Variants in NEGR1 observed in about 807,000 individuals in gnomAD.
NEGR1 encodes neuronal growth regulator 1.
NEGR1 carries 10 observed loss-of-function variants against 40.9 expected under a neutral mutation model. The observed-to-expected ratio is 0.24, with a 90% confidence interval of 0.15 to 0.42. NEGR1 has a LOEUF of 0.42. Ranked by LOEUF, NEGR1 falls within the 10% of genes least tolerant of loss-of-function variation. NEGR1 has a pLI of 1.00. For missense variants in NEGR1, 352 were observed against 438.9 expected (o/e 0.80, Z 1.77); for synonymous variants, 185 against 166.8 (o/e 1.11, Z -0.84).
At chr1:72,080,070 G>T (rs957454351) in intron 1 of NEGR1, among the ~76,000 whole-genome samples, 1 of 151,950 alleles carries the variant, frequency 6.6e-6, no homozygotes, top group African/African-American at 2.4e-5. Flanking sequence ...AACATTAAAA[G>T]GGCTTCCTTT....
At chr1:72,054,371 A>G (rs1461408443) in intron 1 of NEGR1, among the ~76,000 whole-genome samples, 1 of 151,292 alleles carries the variant, frequency 6.6e-6, no homozygotes, top group African/African-American at 2.4e-5. Flanking sequence ...TTGACTTTTT[A>G]GAACTATTTT....
chr1:72,171,787 G>C lies in NEGR1; in HGVS notation c.176+110532C>G, dbSNP rs182133827. Among the ~76,000 whole-genome samples the C allele has an allele frequency of 2.6e-3, 395 of 152,182 alleles. 1 individual carries two copies. The highest frequency in any genetic ancestry group is 8.9e-3 in the African/African-American group (368 of 41,540). On this transcript the variant is annotated intron_variant, in intron 1 of 6. Transcript: ENST00000357731. ...CAATATATTTCTAAGAACAGTTATT[G>C]AAACATTATTGTTTTGTGAAGTTTT...
At chr1:72,272,014 G>A (rs769563377) in intron 1 of NEGR1, among the ~76,000 whole-genome samples, 3 of 151,680 alleles carry the variant, frequency 2.0e-5, no homozygotes, top group African/African-American at 4.8e-5. Context: ...TCCCAGTCTC[G>A]TGTATGTCTT....
intron 2 of NEGR1, among the ~76,000 whole-genome samples, chr1:71,870,747 TGTAA>T (rs1660256746): frequency 6.6e-6 from 1 of 152,260 alleles, no homozygotes; most frequent in African/African-American, 2.4e-5. Context: ...TATCTGGCTC[TGTAA>T]GTGTCTTTTT....
chr1:72,149,262 AGT>A, intron 1 of NEGR1, among the ~76,000 whole-genome samples: 1 of 152,150 alleles, frequency 6.6e-6, no homozygotes, highest in Non-Finnish European at 1.5e-5. Flanking sequence ...TCACGAGAAT[AGT>A]ATGGGAAAGA....
intron 1 of NEGR1, among the ~76,000 whole-genome samples, chr1:71,942,043 A>T (rs1292959170): frequency 2.6e-5 from 4 of 151,910 alleles, no homozygotes; most frequent in Non-Finnish European, 5.9e-5. Flanking sequence ...TCAAAATGGG[A>T]GTTATGCCAA....
chr1:71,487,769 CTT>C (rs1646898118), intron 6 of NEGR1, among the ~76,000 whole-genome samples: 1 of 151,362 alleles, frequency 6.6e-6, no homozygotes, highest in African/African-American at 2.4e-5. Flanking sequence ...AGGAGTAAAT[CTT>C]TTCTTTTGTA....
chr1:71,464,567 G>T (rs901816268), intron 6 of NEGR1, among the ~76,000 whole-genome samples: 16 of 152,056 alleles, frequency 1.1e-4, no homozygotes, highest in Admixed American at 2.0e-4. Context: ...GAAAATGAAA[G>T]ATTGAGTTTT....
chr1:71,407,483 G>C lies in NEGR1; in HGVS notation c.1028C>G (p.Thr343Ser), dbSNP rs1352022970. 1.2e-6 allele frequency: 2 copies of C among 1,612,178 alleles called. No individual in the cohort carries two copies. The highest frequency in any genetic ancestry group is 1.7e-6 in the Non-Finnish European group (2 of 1,178,470). ...WYLVLTLSSF[T>S]SIFYLKNAIL... Reference sequence around the variant, plus strand: ...GGCATTCTTCAGGTAGAATATGCTGGTGAAAGAGGACAGTGTCAACACAAG... The same window carrying C: ...GGCATTCTTCAGGTAGAATATGCTGCTGAAAGAGGACAGTGTCAACACAAG... Residue 343 changes from threonine (T) to serine (S), a missense_variant, in exon 7 of 7, where the codon ACC becomes AGC. Around this residue, in one of 5 missense-constraint regions of NEGR1, gnomAD observed 184 missense variants for 208.7 expected, o/e 0.88. Transcript: ENST00000357731.
intron 1 of NEGR1, among the ~76,000 whole-genome samples, chr1:71,994,070 G>A (rs929584727): frequency 6.6e-6 from 1 of 151,974 alleles, no homozygotes; most frequent in Admixed American, 6.6e-5. Context: ...GTTGTTTAAG[G>A]AATGTATGAA....
At chr1:71,694,779 TG>T (rs1653420658) in intron 4 of NEGR1, among the ~76,000 whole-genome samples, 1 of 151,734 alleles carries the variant, frequency 6.6e-6, no homozygotes, top group Admixed American at 6.6e-5. Flanking sequence ...CTTATGAAAA[TG>T]TATTATATTT....
intron 6 of NEGR1, among the ~76,000 whole-genome samples, chr1:71,555,202 G>A (rs1161534665): frequency 1.3e-5 from 2 of 151,370 alleles, no homozygotes; most frequent in Non-Finnish European, 3.0e-5. Flanking sequence ...TCAAACCCTG[G>A]TTTAGACCGC....
At chr1:71,950,981 T>C (rs374077609) in intron 1 of NEGR1, among the ~76,000 whole-genome samples, 52 of 152,086 alleles carry the variant, frequency 3.4e-4, no homozygotes, top group African/African-American at 1.0e-3. Flanking sequence ...TAATTTATCA[T>C]ATGTGTGTCT....
chr1:71,950,312 A>T (rs1646058195), intron 1 of NEGR1, among the ~76,000 whole-genome samples: 2 of 152,050 alleles, frequency 1.3e-5, no homozygotes, highest in South Asian at 4.1e-4. Context: ...TATAATTTGT[A>T]GCAAGCATAA....
chr1:71,763,274 C>T (rs1277009552), intron 3 of NEGR1, among the ~76,000 whole-genome samples: 1 of 152,060 alleles, frequency 6.6e-6, no homozygotes. Flanking sequence ...TTACATAGTA[C>T]TTTATGCCAC....
intron 2 of NEGR1, among the ~76,000 whole-genome samples, chr1:71,863,414 G>T (rs985048726): frequency 6.6e-6 from 1 of 152,076 alleles, no homozygotes; most frequent in South Asian, 2.1e-4. Context: ...CATGGACATA[G>T]AAAGGGGAAC....
intron 2 of NEGR1, among the ~76,000 whole-genome samples, chr1:71,819,009 G>A (rs1241795233): frequency 1.3e-5 from 2 of 152,124 alleles, no homozygotes; most frequent in Middle Eastern, 3.4e-3. Context: ...AAAGCTAGAT[G>A]TAGAAGCCAG....
chr1:72,159,425 G>T (rs982798053), intron 1 of NEGR1, among the ~76,000 whole-genome samples: 6 of 152,092 alleles, frequency 3.9e-5, no homozygotes, highest in African/African-American at 1.4e-4. Context: ...TCACATTAGT[G>T]AGTAAATGGG....
intron 6 of NEGR1, among the ~76,000 whole-genome samples, chr1:71,585,116 T>C (rs1012258788): frequency 6.6e-6 from 1 of 152,106 alleles, no homozygotes; most frequent in Non-Finnish European, 1.5e-5. Context: ...TTAAGATGCA[T>C]TTTTTTGTCG....
Sources: allele counts gnomAD v4.1 joint callset (sites outside exome capture counted in the v4.1 genomes callset), GRCh38; gene constraint gnomAD v4.1.1; regional missense constraint gnomAD v4.1.1; transcripts MANE v1.5; gene names NCBI Gene and HGNC (gene_info 2026-07-23, HGNC 2026-07-21).